ABCG1: variants seen among roughly 807,000 people sequenced by gnomAD.
The protein encoded by ABCG1 is ATP binding cassette subfamily G member 1, also known as ATP-binding cassette sub-family G member 1.
Under a neutral mutation model 69.2 loss-of-function variants are expected in ABCG1, and 29 were observed. The ratio of observed to expected loss-of-function variants is 0.42; its 90% CI spans 0.31 to 0.57. The LOEUF is 0.57. ABCG1 is among the 20% of genes least tolerant of loss of function. The pLI, the probability that ABCG1 is intolerant of heterozygous loss-of-function variation, is 0.15. For missense variants in ABCG1, 718 were observed against 898.1 expected (o/e 0.80, Z 2.56); for synonymous variants, 370 against 374.8 (o/e 0.99, Z 0.15).
chr21:42,261,738 A>G (rs1020700664), intron 2 of ABCG1, among the ~76,000 whole-genome samples: 2 of 152,236 alleles, frequency 1.3e-5, no homozygotes, highest in African/African-American at 4.8e-5. Context: ...GCGGAGCTCC[A>G]TAAACACAGG....
chr21:42,223,203 C>T (rs148988115), intron 1 of ABCG1, among the ~76,000 whole-genome samples: 2 of 152,340 alleles, frequency 1.3e-5, no homozygotes, highest in African/African-American at 4.8e-5. Context: ...CTGAACGCTT[C>T]ACTGTCTCAT....
chr21:42,210,417 G>A (rs574863403), intron 2 of ABCG1, among the ~76,000 whole-genome samples: 2 of 152,242 alleles, frequency 1.3e-5, no homozygotes, highest in South Asian at 4.1e-4. Flanking sequence ...TTGTGGGAAG[G>A]AGGCCTCCAG....
chr21:42,234,179 A>AT (rs1039273596), intron 2 of ABCG1, among the ~76,000 whole-genome samples: 2 of 152,046 alleles, frequency 1.3e-5, no homozygotes, highest in Admixed American at 6.6e-5. Flanking sequence ...AGGAGGGTGG[A>AT]GGGGGAACGA....
chr21:42,204,325 G>T (rs760170327), intron 2 of ABCG1, among the ~76,000 whole-genome samples: 2 of 152,008 alleles, frequency 1.3e-5, no homozygotes, highest in Non-Finnish European at 2.9e-5. Context: ...CATTATTTTT[G>T]ATATTAAGGA....
intron 2 of ABCG1, among the ~76,000 whole-genome samples, chr21:42,229,182 C>T (rs2067864232): frequency 6.6e-6 from 1 of 152,248 alleles, no homozygotes; most frequent in African/African-American, 2.4e-5. Context: ...TCTCTCTTCT[C>T]ACAGTGGCGG....
At chr21:42,290,580 G>A (rs1371381766) in intron 11 of ABCG1, among the ~76,000 whole-genome samples, 2 of 152,198 alleles carry the variant, frequency 1.3e-5, no homozygotes, top group Admixed American at 6.5e-5. Context: ...GAGCAGATAA[G>A]CTCTCTTAGA....
chr21:42,265,330 C>T (rs984612013), intron 2 of ABCG1, among the ~76,000 whole-genome samples: 1 of 152,222 alleles, frequency 6.6e-6, no homozygotes, highest in Non-Finnish European at 1.5e-5. Flanking sequence ...CCCCTGCTCC[C>T]TAAGAATGTG....
chr21:42,259,239 C>T, intron 2 of ABCG1: 1 of 1,454,548 alleles, frequency 6.9e-7, no homozygotes. Context: ...AGTTCTGGAG[C>T]AGAGTCAGCA....
rs1009064459 is a variant in ABCG1 at position 42,219,866 on chromosome 21, G to A, written c.42+562G>A. On this transcript the variant is annotated intron_variant, in intron 1 of 14. Coordinates refer to ENST00000398449, the MANE Select transcript of ABCG1 (RefSeq NM_016818.3). The surrounding 1 kb of genome is among the most constrained non-coding windows in gnomAD (Gnocchi z 5.3). Reference sequence around the variant, plus strand: ...GGGACACCCTCTCCCGGACCCACTCGGGGAGGCGGCGGCGAAGGCCCGGGG... The same window carrying A: ...GGGACACCCTCTCCCGGACCCACTCAGGGAGGCGGCGGCGAAGGCCCGGGG... 4 of 1,533,926 alleles carry A rather than the reference G, an allele frequency of 2.6e-6. No individual in the cohort carries two copies. The highest frequency in any genetic ancestry group is 2.0e-5 in the Admixed American group (1 of 50,270).
intron 2 of ABCG1, among the ~76,000 whole-genome samples, chr21:42,228,822 G>A (rs1488492973): frequency 2.0e-5 from 3 of 152,210 alleles, no homozygotes; most frequent in African/African-American, 7.2e-5. Flanking sequence ...TGTGCCCACT[G>A]TTGTCCCAAC....
chr21:42,222,534 G>T (rs146463184), intron 1 of ABCG1, among the ~76,000 whole-genome samples: 1 of 152,210 alleles, frequency 6.6e-6, no homozygotes, highest in African/African-American at 2.4e-5. Context: ...CCGTTACAGA[G>T]GCTTGTGGTC....
At chr21:42,259,164 A>C in intron 2 of ABCG1, 1 of 1,325,924 alleles carries the variant, frequency 7.5e-7, no homozygotes, top group Non-Finnish European at 9.8e-7. Context: ...CCTGGGAGAC[A>C]TGTCTTGGTG....
At chr21:42,282,500 A>G in intron 6 of ABCG1, 81 bp downstream of exon 6, 1 of 1,487,726 alleles carries the variant, frequency 6.7e-7, no homozygotes, top group Non-Finnish European at 9.0e-7. Flanking sequence ...TGACCCTGAC[A>G]TCCTGATGTA....
chr21:42,289,239 G>A (rs1005243070), intron 10 of ABCG1, among the ~76,000 whole-genome samples: 1 of 152,164 alleles, frequency 6.6e-6, no homozygotes, highest in Admixed American at 6.5e-5. Flanking sequence ...GCAACGGTGG[G>A]TTGTATCATG....
upstream of ABCG1, chr21:42,219,052 G>T (rs1206011377): frequency 3.7e-6 from 1 of 269,626 alleles, no homozygotes; most frequent in East Asian, 8.9e-5. This position sits in a 1 kb window ranked among gnomAD's most constrained non-coding sequence, Gnocchi z 5.3. Context: ...CGCACCTGCC[G>T]GCCCGCCCGC....
chr21:42,273,675 T>TG lies in ABCG1; in HGVS notation c.537+244dup, dbSNP rs1432368530. ...TTTAATGGACCTTGTTTGGCAGGGT[T>TG]GGGGTCAAGTTTCTGAGAAGGTTAT... On this transcript the variant is annotated intron_variant, in intron 4 of 14. Transcript: ENST00000398449. This position sits in a 1 kb window ranked among gnomAD's most constrained non-coding sequence, Gnocchi z 5.3. Among the ~76,000 whole-genome samples, 5 of 152,148 alleles carry TG rather than the reference T, an allele frequency of 3.3e-5. No individual in the cohort carries two copies. Among genetic ancestry groups the TG allele is most frequent in the Admixed American group, 1.3e-4 (2 of 15,280 alleles).
chr21:42,260,683 A>T (rs907552137), intron 2 of ABCG1, among the ~76,000 whole-genome samples: 2 of 152,112 alleles, frequency 1.3e-5, no homozygotes, highest in Non-Finnish European at 1.5e-5. Context: ...AGGAGAGGAA[A>T]ATATCCCTTA....
intron 2 of ABCG1, among the ~76,000 whole-genome samples, chr21:42,240,147 C>T (rs552131507): frequency 2.0e-5 from 3 of 152,210 alleles, no homozygotes; most frequent in Non-Finnish European, 4.4e-5. Flanking sequence ...GCCTGCAGGT[C>T]ACACAGTGTT....
chr21:42,270,608 G>A (rs2068598453), intron 2 of ABCG1, among the ~76,000 whole-genome samples: 1 of 152,040 alleles, frequency 6.6e-6, no homozygotes, highest in African/African-American at 2.4e-5. Flanking sequence ...TAAATAATTT[G>A]TAGATGCAGT....
Sources: allele counts gnomAD v4.1 joint callset (sites outside exome capture counted in the v4.1 genomes callset), GRCh38; gene constraint gnomAD v4.1.1; non-coding constraint Gnocchi (gnomAD v3.1); transcripts MANE v1.5; gene names NCBI Gene and HGNC (gene_info 2026-07-23, HGNC 2026-07-21).